DLG2: variants seen among roughly 807,000 people sequenced by gnomAD.
DLG2 encodes disks large homolog 2.
Under a neutral mutation model 132.5 loss-of-function variants are expected in DLG2, and 45 were observed. The observed-to-expected ratio is 0.34, with a 90% CI of 0.27 to 0.44. The LOEUF (loss-of-function observed/expected upper bound fraction) is 0.44. DLG2 is among the 20% of genes least tolerant of loss of function. DLG2 has a pLI of 1.00. For synonymous variants in DLG2, 424 were observed against 419.6 expected (o/e 1.01, Z -0.13); for missense variants, 1,045 against 1,196.9 (o/e 0.87, Z 1.87).
chr11:84,086,110 C>A (rs923912983), intron 10 of DLG2, among the ~76,000 whole-genome samples: 1 of 151,982 alleles, frequency 6.6e-6, no homozygotes. Flanking sequence ...ACATGGAGCC[C>A]CAAACAAATG....
At chr11:84,209,352 C>T (rs1263705988) in intron 8 of DLG2, among the ~76,000 whole-genome samples, 1 of 152,100 alleles carries the variant, frequency 6.6e-6, no homozygotes, top group Non-Finnish European at 1.5e-5. Context: ...GGCTGGAGGA[C>T]TTAGAGTAAC....
intron 7 of DLG2, among the ~76,000 whole-genome samples, chr11:84,502,830 G>T (rs2154508025): frequency 6.6e-6 from 1 of 152,208 alleles, no homozygotes; most frequent in East Asian, 1.9e-4. Context: ...AGGCAAATAT[G>T]CAAGGGGAGA....
rs112584075 is a variant in DLG2, at chr11:83,567,178, T to C, written c.1941-25320A>G. ...TAATCAGGGATGACAAAGCTCAGCATTCTCAACCTCAGAAGGGTGGCACAA... is the reference window on the plus strand; with the variant it reads ...TAATCAGGGATGACAAAGCTCAGCACTCTCAACCTCAGAAGGGTGGCACAA... On this transcript the variant is annotated intron_variant, in intron 19 of 27. Coordinates refer to ENST00000376104, the MANE Select transcript of DLG2 (RefSeq NM_001142699.3). Among the ~76,000 whole-genome samples the C allele has an allele frequency of 6.2e-4, 94 of 152,286 alleles. 1 individual carries two copies. The highest frequency in any genetic ancestry group is 2.1e-3 in the African/African-American group (87 of 41,568).
At chr11:84,070,356 A>G (rs1353402347) in intron 10 of DLG2, among the ~76,000 whole-genome samples, 1 of 152,226 alleles carries the variant, frequency 6.6e-6, no homozygotes, top group Non-Finnish European at 1.5e-5. Context: ...TTCACACTCC[A>G]TAGCCCATGA....
chr11:83,792,264 G>GT (rs537326991), intron 17 of DLG2, among the ~76,000 whole-genome samples: 138 of 149,962 alleles, frequency 9.2e-4, no homozygotes, highest in Admixed American at 1.9e-3. Flanking sequence ...TGCATTACTT[G>GT]TTTTTTTTTA....
intron 6 of DLG2, among the ~76,000 whole-genome samples, chr11:84,848,529 C>T (rs887543340): frequency 2.4e-4 from 36 of 151,910 alleles, no homozygotes; most frequent in African/African-American, 7.2e-4. Context: ...CCAGAGAATG[C>T]TATGTTTACT....
intron 3 of DLG2, among the ~76,000 whole-genome samples, chr11:85,442,702 A>AC (rs2091841435): frequency 6.6e-6 from 1 of 151,970 alleles, no homozygotes; most frequent in African/African-American, 2.4e-5. Flanking sequence ...CTCTACCTAA[A>AC]TAAAAAAAAA....
chr11:85,025,909 C>T (rs1021206349), intron 6 of DLG2, among the ~76,000 whole-genome samples: 1 of 151,790 alleles, frequency 6.6e-6, no homozygotes, highest in African/African-American at 2.4e-5. Context: ...TTTAGATACA[C>T]ATGATTATCT....
intron 19 of DLG2, among the ~76,000 whole-genome samples, chr11:83,570,153 A>G (rs553381989): frequency 6.6e-6 from 1 of 152,330 alleles, no homozygotes; most frequent in Admixed American, 6.5e-5. Flanking sequence ...TATGGGTCCC[A>G]TCAGTCTAGC....
intron 7 of DLG2, among the ~76,000 whole-genome samples, chr11:84,533,113 T>G (rs1436795722): frequency 6.6e-6 from 1 of 152,228 alleles, no homozygotes; most frequent in Non-Finnish European, 1.5e-5. Context: ...GAAAGATTTC[T>G]AGGGATAGGG....
At chr11:83,826,008 T>C (rs2052649799) in intron 17 of DLG2, among the ~76,000 whole-genome samples, 1 of 152,158 alleles carries the variant, frequency 6.6e-6, no homozygotes, top group African/African-American at 2.4e-5. Context: ...GGGCAGGCTG[T>C]CCAGGCAGGC....
At chr11:84,856,558 C>T (rs907534726) in intron 6 of DLG2, among the ~76,000 whole-genome samples, 1 of 152,040 alleles carries the variant, frequency 6.6e-6, no homozygotes, top group African/African-American at 2.4e-5. Context: ...CACTTATTTC[C>T]ATCTTTATCA....
At chr11:84,795,079 T>A (rs916366898) in intron 6 of DLG2, among the ~76,000 whole-genome samples, 1 of 152,162 alleles carries the variant, frequency 6.6e-6, no homozygotes, top group African/African-American at 2.4e-5. Flanking sequence ...TGAAAACACA[T>A]GGTGCTTTTT....
intron 18 of DLG2, among the ~76,000 whole-genome samples, chr11:83,686,572 A>ATGAATGT (rs1286872476): frequency 4.7e-4 from 71 of 151,968 alleles, no homozygotes; most frequent in African/African-American, 1.7e-3. Flanking sequence ...TACACATTAA[A>ATGAATGT]TGAATGTTAT....
At chr11:84,560,148 C>G (rs766215442) in intron 6 of DLG2, among the ~76,000 whole-genome samples, 59 of 152,098 alleles carry the variant, frequency 3.9e-4, no homozygotes, top group Non-Finnish European at 4.6e-4. Context: ...GTCTGGATAC[C>G]AAATTTGGGA....
chr11:85,399,803 T>C (rs371179071), intron 3 of DLG2, among the ~76,000 whole-genome samples: 5 of 152,084 alleles, frequency 3.3e-5, no homozygotes, highest in East Asian at 1.9e-4. Flanking sequence ...AAGACTTAAA[T>C]GTTAGACCTA....
chr11:84,982,881 C>G (rs1566571834), intron 6 of DLG2, among the ~76,000 whole-genome samples: 1 of 151,768 alleles, frequency 6.6e-6, no homozygotes, highest in South Asian at 2.1e-4. Flanking sequence ...AATTTTACAC[C>G]CACTCGTGAT....
At chr11:85,531,920 T>G (rs759180819) in intron 3 of DLG2, among the ~76,000 whole-genome samples, 66 of 152,284 alleles carry the variant, frequency 4.3e-4, no homozygotes, top group African/African-American at 1.4e-3. Context: ...ACAAAAATGT[T>G]AAGCAACTTT....
At chr11:85,622,524 T>C (rs1158237751) in intron 2 of DLG2, among the ~76,000 whole-genome samples, 2 of 145,724 alleles carry the variant, frequency 1.4e-5, no homozygotes, top group African/African-American at 5.1e-5. Flanking sequence ...TAAGATACTA[T>C]AAAACAAGAA....
Sources: gnomAD v4.1 joint callset for allele counts (sites outside exome capture counted in the v4.1 genomes callset) on GRCh38, gnomAD v4.1.1 for gene constraint, MANE v1.5 for transcripts, NCBI Gene and HGNC (gene_info 2026-07-23, HGNC 2026-07-21) for gene names.